ADK: variants seen among roughly 807,000 people sequenced by gnomAD.
ADK encodes N6,N6-dimethyladenosine kinase.
A neutral mutation model predicts 44.7 loss-of-function variants in ADK; 24 were observed. That is an observed-to-expected ratio of 0.54 (90% CI 0.39 to 0.76). The LOEUF is 0.76. ADK is among the 30% of genes least tolerant of loss of function. The pLI is 0.00. For synonymous variants in ADK, 128 were observed against 142.6 expected (o/e 0.90, Z 0.73); for missense variants, 321 against 425.1 (o/e 0.76, Z 2.15).
At chr10:74,422,202 G>A (rs764720365) in intron 6 of ADK, among the ~76,000 whole-genome samples, 4 of 152,208 alleles carry the variant, frequency 2.6e-5, no homozygotes, top group Admixed American at 6.5e-5. Flanking sequence ...TCATCTCTCT[G>A]ATATTCTTTC....
At chr10:74,396,211 G>A (rs1843502142) in intron 5 of ADK, among the ~76,000 whole-genome samples, 1 of 152,086 alleles carries the variant, frequency 6.6e-6, no homozygotes, top group African/African-American at 2.4e-5. Flanking sequence ...TTTTGGATAG[G>A]TCCAGTAACC....
At chr10:74,225,080 CTT>C (rs1357315978) in intron 3 of ADK, among the ~76,000 whole-genome samples, 1 of 152,058 alleles carries the variant, frequency 6.6e-6, no homozygotes, top group African/African-American at 2.4e-5. Context: ...AGGTAAAACA[CTT>C]TATTTTATTT....
chr10:74,575,626 C>G (rs1377254233), intron 7 of ADK, among the ~76,000 whole-genome samples: 1 of 152,064 alleles, frequency 6.6e-6, no homozygotes, highest in African/African-American at 2.4e-5. Context: ...GTTTGAGTGG[C>G]ACCTGGTACG....
At chr10:74,306,901 A>G (rs1353951564) in intron 3 of ADK, among the ~76,000 whole-genome samples, 3 of 152,182 alleles carry the variant, frequency 2.0e-5, no homozygotes, top group Non-Finnish European at 4.4e-5. Flanking sequence ...TGCCTTCAAA[A>G]TTTGGCAATT....
chr10:74,591,058 C>A (rs1851699427), intron 8 of ADK, among the ~76,000 whole-genome samples: 1 of 152,068 alleles, frequency 6.6e-6, no homozygotes, highest in African/African-American at 2.4e-5. Flanking sequence ...GATCATGATC[C>A]TGTAGTATCT....
At chr10:74,427,583 A>C (rs948009941) in intron 6 of ADK, among the ~76,000 whole-genome samples, 2 of 152,200 alleles carry the variant, frequency 1.3e-5, no homozygotes, top group African/African-American at 4.8e-5. Context: ...CTATGGAAGA[A>C]GGGACAAACA....
intron 6 of ADK, among the ~76,000 whole-genome samples, chr10:74,444,563 AT>A (rs1845530477): frequency 6.6e-6 from 1 of 152,078 alleles, no homozygotes; most frequent in African/African-American, 2.4e-5. Context: ...GATAGACACT[AT>A]TTTGTAGCAA....
chr10:74,394,065 A>G, intron 4 of ADK, 76 bp from the exon 5 acceptor site: 1 of 1,403,302 alleles, frequency 7.1e-7, no homozygotes, highest in Non-Finnish European at 1.0e-6. Context: ...TTGTCACATC[A>G]CTATCTGTGG....
intron 4 of ADK, among the ~76,000 whole-genome samples, chr10:74,380,030 A>T (rs1842930669): frequency 1.3e-5 from 2 of 152,224 alleles, no homozygotes; most frequent in African/African-American, 4.8e-5. Context: ...ATCTCTAAAA[A>T]AATAAATAAT....
At chr10:74,617,749 C>T (rs1852831496) in intron 9 of ADK, among the ~76,000 whole-genome samples, 1 of 151,946 alleles carries the variant, frequency 6.6e-6, no homozygotes, top group Non-Finnish European at 1.5e-5. Flanking sequence ...GCACGTACCA[C>T]CACGCTAATT....
At chr10:74,157,832 G>A (rs1180888179) in intron 1 of ADK, among the ~76,000 whole-genome samples, 1 of 152,142 alleles carries the variant, frequency 6.6e-6, no homozygotes, top group African/African-American at 2.4e-5. Context: ...GTGGAGGTTG[G>A]GGTGAGCCGA....
At chr10:74,538,453 T>C (rs1849526864) in intron 7 of ADK, among the ~76,000 whole-genome samples, 1 of 152,168 alleles carries the variant, frequency 6.6e-6, no homozygotes, top group African/African-American at 2.4e-5. Flanking sequence ...TTTTAAAAAA[T>C]CTCGTTTATC....
intron 6 of ADK, among the ~76,000 whole-genome samples, chr10:74,453,343 A>G (rs1316230935): frequency 1.3e-5 from 2 of 152,048 alleles, no homozygotes; most frequent in Non-Finnish European, 2.9e-5. Context: ...TCAATATTTG[A>G]TCTTTTTCCC....
At chr10:74,551,132 C>G (rs924716975) in intron 7 of ADK, among the ~76,000 whole-genome samples, 1 of 152,178 alleles carries the variant, frequency 6.6e-6, no homozygotes, top group African/African-American at 2.4e-5. Flanking sequence ...CAGACCCACA[C>G]ACATACAGTC....
intron 3 of ADK, among the ~76,000 whole-genome samples, chr10:74,253,777 T>C (rs1008283402): frequency 6.6e-6 from 1 of 150,690 alleles, no homozygotes; most frequent in Non-Finnish European, 1.5e-5. Context: ...TTTTTTTTTT[T>C]TTTTTTTTAA....
Position 74,596,010 on chromosome 10 carries a change from A to AAAC in ADK, c.763-4367_763-4366insCAA, listed in dbSNP as rs1554886025. Reference sequence around the variant, plus strand: ...GAAATTCCATCTCAAAAAAAAAAAAAAAAAAACCACTGAAATTCGCTGGAG... The same window carrying AAAC: ...GAAATTCCATCTCAAAAAAAAAAAAAAACAAAAAACCACTGAAATTCGCTGGAG... On this transcript the variant is annotated intron_variant, in intron 8 of 10. Transcript: ENST00000539909. Among the ~76,000 whole-genome samples, 135 of 150,610 alleles carry AAAC rather than the reference A, an allele frequency of 9.0e-4. 2 individuals are homozygous for AAAC. Among genetic ancestry groups the AAAC allele is most frequent in the African/African-American group, 3.2e-3 (129 of 40,736 alleles).
At chr10:74,176,811 T>C in intron 1 of ADK, 1 of 1,601,374 alleles carries the variant, frequency 6.2e-7, no homozygotes, top group Non-Finnish European at 8.5e-7. Flanking sequence ...TACCTGCTGC[T>C]GCCCGAGCGG....
At chr10:74,649,408 T>G (rs1854175618) in intron 9 of ADK, among the ~76,000 whole-genome samples, 1 of 152,064 alleles carries the variant, frequency 6.6e-6, no homozygotes, top group Non-Finnish European at 1.5e-5. Context: ...GGAGGATCAC[T>G]TGGGCCCAGG....
At chr10:74,238,520 T>C (rs1177943469) in intron 3 of ADK, among the ~76,000 whole-genome samples, 1 of 152,086 alleles carries the variant, frequency 6.6e-6, no homozygotes, top group Non-Finnish European at 1.5e-5. Context: ...CCTTGTGCAC[T>C]AAAAAAATTT....
Sources: gnomAD v4.1 joint callset for allele counts (sites outside exome capture counted in the v4.1 genomes callset) on GRCh38, gnomAD v4.1.1 for gene constraint, MANE v1.5 for transcripts, NCBI Gene and HGNC (gene_info 2026-07-23, HGNC 2026-07-21) for gene names.